MAD1L1: variants seen among roughly 807,000 people sequenced by gnomAD.
MAD1L1 encodes the protein mitotic arrest deficient 1 like 1.
Under a neutral mutation model 96.9 loss-of-function variants are expected in MAD1L1, and 95 were observed. That is an observed-to-expected ratio of 0.98 (90% confidence interval 0.83 to 1.16). The LOEUF is 1.16. MAD1L1 is among the 50% of genes most tolerant of loss of function. The pLI is 0.00. For synonymous variants in MAD1L1, 473 were observed against 396.6 expected (o/e 1.19, Z -2.29); for missense variants, 1,007 against 954.4 (o/e 1.06, Z -0.73).
intron 13 of MAD1L1, among the ~76,000 whole-genome samples, chr7:2,010,416 C>T (rs996524394): frequency 3.3e-5 from 5 of 152,204 alleles, no homozygotes; most frequent in African/African-American, 9.7e-5. Flanking sequence ...CGGCCAGCAG[C>T]GCAGTAATCG....
Position 2,075,500 on chromosome 7 carries a change from G to T in MAD1L1, c.1074-6162C>A, listed in dbSNP as rs917141485. The stretch of plus-strand genomic sequence containing the variant: ...AATTAAGCCTCTAGTTCCATGCTTG[G>T]ACTGAACTCTGAGGTCACTGGCATT... On this transcript the variant is annotated intron_variant, in intron 11 of 18. Coordinates refer to ENST00000265854, the MANE Select transcript of MAD1L1 (RefSeq NM_001013836.2). Among the ~76,000 whole-genome samples the T allele has an allele frequency of 4.6e-5, 7 of 152,256 alleles. No individual in the cohort carries two copies. In the South Asian group the frequency reaches 1.5e-3, roughly 32 times the overall value.
At chr7:2,228,524 G>C (rs1417918483) in intron 3 of MAD1L1, among the ~76,000 whole-genome samples, 1 of 151,030 alleles carries the variant, frequency 6.6e-6, no homozygotes. Flanking sequence ...AAGTGCTGGG[G>C]TTATAGGCAT....
intron 18 of MAD1L1, among the ~76,000 whole-genome samples, chr7:1,830,991 T>G (rs1205407736): frequency 6.6e-6 from 1 of 152,272 alleles, no homozygotes; most frequent in Non-Finnish European, 1.5e-5. Context: ...ATCCTGCTTT[T>G]AAGAAGCACA....
At chr7:2,209,236 G>T (rs1201178728) in intron 10 of MAD1L1, among the ~76,000 whole-genome samples, 1 of 152,154 alleles carries the variant, frequency 6.6e-6, no homozygotes, top group Admixed American at 6.5e-5. Context: ...CCTCTCCTAA[G>T]ACATAAGAAG....
chr7:2,036,917 G>A (rs1168269027), intron 12 of MAD1L1, among the ~76,000 whole-genome samples: 1 of 152,004 alleles, frequency 6.6e-6, no homozygotes, highest in Non-Finnish European at 1.5e-5. Context: ...CAACGCGCAC[G>A]AGGCACGCTC....
intron 18 of MAD1L1, among the ~76,000 whole-genome samples, chr7:1,887,989 A>T (rs1342768453): frequency 1.2e-5 from 1 of 83,872 alleles, no homozygotes. Context: ...GTGTGCATGC[A>T]TGTGTGTATA....
intron 13 of MAD1L1, among the ~76,000 whole-genome samples, chr7:2,003,972 G>A (rs1006086813): frequency 3.9e-5 from 6 of 152,164 alleles, no homozygotes; most frequent in Admixed American, 2.0e-4. Flanking sequence ...CCCCAAACTG[G>A]GCCTAGACAC....
At chr7:1,924,841 T>A (rs1789003441) in intron 17 of MAD1L1, among the ~76,000 whole-genome samples, 1 of 152,190 alleles carries the variant, frequency 6.6e-6, no homozygotes, top group Non-Finnish European at 1.5e-5. Flanking sequence ...GAAGCCTACG[T>A]CGTGGTGAAA....
At chr7:1,920,700 A>C (rs1732767249) in intron 17 of MAD1L1, among the ~76,000 whole-genome samples, 1 of 152,174 alleles carries the variant, frequency 6.6e-6, no homozygotes, top group Non-Finnish European at 1.5e-5. Flanking sequence ...GTGAGAAGAG[A>C]GGACAGGAGG....
rs551229649 is a variant in MAD1L1, at chr7:2,144,602, G to A, written c.1073+4550C>T. Among the ~76,000 whole-genome samples the A allele has an allele frequency of 3.7e-3, 557 of 152,214 alleles. 3 individuals carry two copies. The highest frequency in any genetic ancestry group is 6.5e-3 in the Non-Finnish European group (442 of 67,994). ...ACAGAGGACTGCAGCCTCCTGTCCC[G>A]GCTCTTCCCACGGCAGAGCTGGGGA... is the stretch of plus-strand genomic sequence containing the variant. On this transcript the variant is annotated intron_variant, in intron 11 of 18. Coordinates refer to ENST00000265854, the MANE Select transcript of MAD1L1 (RefSeq NM_001013836.2).
At chr7:2,198,493 C>G (rs1382762407) in intron 10 of MAD1L1, among the ~76,000 whole-genome samples, 2 of 152,238 alleles carry the variant, frequency 1.3e-5, no homozygotes, top group Admixed American at 1.3e-4. Flanking sequence ...CACACAACAC[C>G]AGGAGCGCTG....
chr7:1,837,775 G>T (rs1030805973), intron 18 of MAD1L1, among the ~76,000 whole-genome samples: 1 of 152,238 alleles, frequency 6.6e-6, no homozygotes, highest in Non-Finnish European at 1.5e-5. Flanking sequence ...TGGCTGCCTG[G>T]GGTCGGGTTG....
intron 3 of MAD1L1, among the ~76,000 whole-genome samples, chr7:2,227,160 T>G (rs1793944797): frequency 6.7e-6 from 1 of 149,758 alleles, no homozygotes; most frequent in African/African-American, 2.5e-5. Context: ...CCGAGTGTGG[T>G]GGTAACGCAC....
At chr7:1,980,566 G>A (rs1304137094) in intron 14 of MAD1L1, 25 bp from the exon 15 acceptor site, 30 of 1,590,262 alleles carry the variant, frequency 1.9e-5, no homozygotes, top group Middle Eastern at 1.7e-4. Context: ...AGGATAGAGG[G>A]TCAGCAGACA....
intron 18 of MAD1L1, among the ~76,000 whole-genome samples, chr7:1,890,096 T>G (rs1417609473): frequency 1.3e-5 from 2 of 152,250 alleles, no homozygotes. Flanking sequence ...GAGGGGCATG[T>G]ATCCGTGGGA....
chr7:2,077,496 C>A (rs917051162), intron 11 of MAD1L1, among the ~76,000 whole-genome samples: 3 of 152,170 alleles, frequency 2.0e-5, no homozygotes, highest in African/African-American at 7.2e-5. Context: ...GGGGAGACGC[C>A]CCAGTCGGGC....
At chr7:1,873,730 C>A (rs970320027) in intron 18 of MAD1L1, among the ~76,000 whole-genome samples, 1 of 152,048 alleles carries the variant, frequency 6.6e-6, no homozygotes, top group Non-Finnish European at 1.5e-5. Flanking sequence ...TGACAAGGGC[C>A]GCAGCTCACC....
intron 16 of MAD1L1, among the ~76,000 whole-genome samples, chr7:1,951,318 G>A (rs139040544): frequency 6.2e-4 from 94 of 152,374 alleles, no homozygotes; most frequent in African/African-American, 2.2e-3. Flanking sequence ...AGTGACCGAA[G>A]GACAGAGGCC....
chr7:2,198,007 G>A (rs1396669734), intron 10 of MAD1L1, among the ~76,000 whole-genome samples: 4 of 150,802 alleles, frequency 2.7e-5, no homozygotes, highest in Non-Finnish European at 2.9e-5. Context: ...CTGGGAACAG[G>A]CCCAGGACGG....
Sources: allele counts gnomAD v4.1 joint callset (sites outside exome capture counted in the v4.1 genomes callset), GRCh38; gene constraint gnomAD v4.1.1; transcripts MANE v1.5; gene names NCBI Gene and HGNC (gene_info 2026-07-23, HGNC 2026-07-21).